SLC20A2: variants seen among roughly 807,000 people sequenced by gnomAD.
SLC20A2 encodes sodium-dependent phosphate transporter 2.
Under a neutral mutation model 61.0 loss-of-function variants are expected in SLC20A2, and 30 were observed. The observed-to-expected ratio is 0.49, with a 90% CI of 0.37 to 0.67. The LOEUF (loss-of-function observed/expected upper bound fraction) is 0.67. Among genes scored for constraint, SLC20A2 ranks in the 30% least tolerant of loss-of-function variants. SLC20A2 has a pLI of 0.00. For synonymous variants in SLC20A2, 351 were observed against 353.3 expected (o/e 0.99, Z 0.07); for missense variants, 626 against 866.4 (o/e 0.72, Z 3.48).
At chr8:42,449,987 GCACA>G (rs930443858) in intron 5 of SLC20A2, among the ~76,000 whole-genome samples, 1 of 152,048 alleles carries the variant, frequency 6.6e-6, no homozygotes, top group Non-Finnish European at 1.5e-5. Context: ...GCACACACAT[GCACA>G]CACACAGAGA....
chr8:42,456,731 CAAAAA>C (rs986357542), intron 5 of SLC20A2, among the ~76,000 whole-genome samples: 1 of 58,548 alleles, frequency 1.7e-5, no homozygotes. Flanking sequence ...GACTCTGTCT[CAAAAA>C]AAAAAAAAAA....
chr8:42,540,390 C>T (rs1298166116), intron 1 of SLC20A2, among the ~76,000 whole-genome samples: 2 of 152,184 alleles, frequency 1.3e-5, no homozygotes, highest in African/African-American at 4.8e-5. Context: ...TTACATAAAG[C>T]ATGCACACCA....
At chr8:42,431,137 A>T (rs1803842618) in intron 8 of SLC20A2, among the ~76,000 whole-genome samples, 1 of 152,248 alleles carries the variant, frequency 6.6e-6, no homozygotes, top group East Asian at 1.9e-4. Context: ...GCATGTCAAA[A>T]TCGGAGACAG....
At chr8:42,452,536 A>G (rs140584816) in intron 5 of SLC20A2, among the ~76,000 whole-genome samples, 3,440 of 146,420 alleles carry the variant, frequency 0.023, 45 homozygotes, top group African/African-American at 0.039. Flanking sequence ...AGGAGGAGGA[A>G]GAAGAGATAA....
At chr8:42,525,665 T>C (rs2131414018) in intron 1 of SLC20A2, among the ~76,000 whole-genome samples, 1 of 152,152 alleles carries the variant, frequency 6.6e-6, no homozygotes, top group African/African-American at 2.4e-5. Context: ...AAATGTCTTC[T>C]GAAGACTGCT....
chr8:42,480,544 A>G (rs1808479164), intron 1 of SLC20A2: 1 of 152,192 alleles, frequency 6.6e-6, no homozygotes, highest in South Asian at 2.1e-4. Flanking sequence ...CACATTCTGT[A>G]TTCCTTTATT....
Position 42,472,466 on chromosome 8 carries a change from G to T in SLC20A2, c.-76C>A, listed in dbSNP as rs1243307572. ...AACAAAGCTTGAGGTTATAAACTTCGTAAGGCCAAGAGTTCTTGTAAACAG... is the reference window on the plus strand; with the variant it reads ...AACAAAGCTTGAGGTTATAAACTTCTTAAGGCCAAGAGTTCTTGTAAACAG... On this transcript the variant is annotated 5_prime_UTR_variant, in exon 2 of 11. Transcript: ENST00000520262. This position sits in a 1 kb window ranked among gnomAD's most constrained non-coding sequence, Gnocchi z 4.1. The T allele has an allele frequency of 2.2e-6, 3 of 1,344,826 alleles. No individual in the cohort carries two copies. Among genetic ancestry groups the T allele is most frequent in the Admixed American group, 4.1e-5 (2 of 48,704 alleles). The allele number at this position is 1,344,826 out of a possible 1,614,324, so 83.3% of individuals were successfully genotyped here. A position where few individuals can be genotyped will look rare whatever the true frequency, so the allele number is the denominator to read the frequency against.
At chr8:42,541,518 GAAAAAAA>G (rs34936218) in intron 1 of SLC20A2, 1 of 125,800 alleles carries the variant, frequency 7.9e-6, no homozygotes, top group African/African-American at 3.0e-5. Context: ...AAGGGGAAAG[GAAAAAAA>G]AAAAAAAAAG....
intron 9 of SLC20A2, 75 bp downstream of exon 9, chr8:42,429,989 C>T: frequency 7.4e-7 from 1 of 1,354,324 alleles, no homozygotes; most frequent in Non-Finnish European, 1.0e-6. Context: ...GCAGGCCGTT[C>T]AGACACAGCC....
chr8:42,459,875 A>G lies in SLC20A2; in HGVS notation c.613+21T>C, dbSNP rs760236261. The G allele has an allele frequency of 2.0e-6, 3 of 1,508,078 alleles. No homozygotes were observed. The South Asian group carries it at 3.4e-5, about 17-fold the overall frequency. 93.4% of individuals were successfully genotyped at this position (1,508,078 alleles called of 1,614,324 possible). A position where few individuals can be genotyped will look rare whatever the true frequency, so the allele number is the denominator to read the frequency against. On this transcript the variant is annotated intron_variant, in intron 5 of 10. Transcript: ENST00000520262. ...ATACAATGCACTTTGCCCCTGGAGT[A>G]TGCTTCCAAGGGATCCTTACCTGGT... is the stretch of plus-strand genomic sequence containing the variant.
chr8:42,492,492 G>A (rs556951521), intron 1 of SLC20A2, among the ~76,000 whole-genome samples: 1 of 152,266 alleles, frequency 6.6e-6, no homozygotes, highest in East Asian at 1.9e-4. Flanking sequence ...GATGAAGAAA[G>A]GAAGGCGAGC....
At chr8:42,509,729 G>A (rs190248800) in intron 1 of SLC20A2, among the ~76,000 whole-genome samples, 4 of 151,912 alleles carry the variant, frequency 2.6e-5, no homozygotes, top group African/African-American at 7.3e-5. Flanking sequence ...ATTCCAGCCC[G>A]GGCAACAGAG....
chr8:42,482,171 C>T (rs1808599992), intron 1 of SLC20A2, among the ~76,000 whole-genome samples: 1 of 152,076 alleles, frequency 6.6e-6, no homozygotes, highest in African/African-American at 2.4e-5. Flanking sequence ...AAGGCTGCCT[C>T]AGGATATGTA....
intron 9 of SLC20A2, 22 bp downstream of exon 9, chr8:42,430,042 T>G: frequency 6.3e-7 from 1 of 1,591,356 alleles, no homozygotes; most frequent in African/African-American, 1.3e-5. Flanking sequence ...CCTGCCCTGC[T>G]CGTCCACCAG....
At chr8:42,427,949 A>T (rs1487620291) in intron 10 of SLC20A2, among the ~76,000 whole-genome samples, 1 of 152,210 alleles carries the variant, frequency 6.6e-6, no homozygotes, top group Non-Finnish European at 1.5e-5. Flanking sequence ...GAAAAATCTC[A>T]AAGTGACTTT....
At chr8:42,460,372 G>A (rs1806600227) in intron 4 of SLC20A2, among the ~76,000 whole-genome samples, 1 of 152,238 alleles carries the variant, frequency 6.6e-6, no homozygotes, top group African/African-American at 2.4e-5. Flanking sequence ...CTACAGCCAA[G>A]TCCAGGTTTG....
At chr8:42,441,809 G>A (rs1000859876) in intron 6 of SLC20A2, among the ~76,000 whole-genome samples, 1 of 151,844 alleles carries the variant, frequency 6.6e-6, no homozygotes, top group Non-Finnish European at 1.5e-5. Context: ...TTTCTAAAAT[G>A]TGTTTTTATT....
intron 1 of SLC20A2, among the ~76,000 whole-genome samples, chr8:42,536,784 T>C (rs192427730): frequency 3.1e-3 from 472 of 152,232 alleles, no homozygotes; most frequent in African/African-American, 0.011. Flanking sequence ...ATCAAGATTC[T>C]ACAAAAAGGT....
chr8:42,480,691 G>A (rs1474690985), intron 1 of SLC20A2, among the ~76,000 whole-genome samples: 1 of 152,008 alleles, frequency 6.6e-6, no homozygotes, highest in Admixed American at 6.6e-5. Context: ...AGACAGAGTC[G>A]GTCTGTTGTC....
Sources: gnomAD v4.1 joint callset for allele counts (sites outside exome capture counted in the v4.1 genomes callset) on GRCh38, gnomAD v4.1.1 for gene constraint, Gnocchi (gnomAD v3.1) non-coding constraint, MANE v1.5 for transcripts, NCBI Gene and HGNC (gene_info 2026-07-23, HGNC 2026-07-21) for gene names.